P2RX7: variants seen among roughly 807,000 people sequenced by gnomAD.
P2RX7 encodes the protein P2X purinoceptor 7.
In P2RX7, 62 loss-of-function variants were observed where a neutral mutation model predicts 71.6. The observed-to-expected ratio is 0.87, with a 90% confidence interval of 0.71 to 1.07. P2RX7 has a LOEUF of 1.07. Ranked by LOEUF, P2RX7 falls within the 50% of genes least tolerant of loss-of-function variation. The pLI is 0.00. For synonymous variants in P2RX7, 299 were observed against 283.3 expected (o/e 1.06, Z -0.56); for missense variants, 686 against 748.5 (o/e 0.92, Z 0.97).
intron 1 of P2RX7, 146 bp downstream of exon 1, chr12:121,133,241 G>A: frequency 1.1e-6 from 1 of 905,544 alleles, no homozygotes; most frequent in Non-Finnish European, 1.8e-6. Flanking sequence ...CGGGAGGGAG[G>A]AAGCAGCAGC....
chr12:121,163,581 ATAGATAGATAGACAGGTAG>A (rs1880301596), intron 5 of P2RX7, among the ~76,000 whole-genome samples: 1 of 75,950 alleles, frequency 1.3e-5, no homozygotes, highest in African/African-American at 4.9e-5. Context: ...TAAATAGATA[ATAGATAGATAGACAGGTAG>A]ATAGATAGAT....
chr12:121,183,237 T>TTTTTTA (rs1884425130), intron 12 of P2RX7, among the ~76,000 whole-genome samples: 1 of 151,828 alleles, frequency 6.6e-6, no homozygotes, highest in Non-Finnish European at 1.5e-5. Context: ...ATTTTTAACA[T>TTTTTTA]TTTTTATTTT....
intron 5 of P2RX7, among the ~76,000 whole-genome samples, chr12:121,163,281 G>T (rs1880140601): frequency 6.6e-6 from 1 of 151,284 alleles, no homozygotes; most frequent in Admixed American, 6.7e-5. Flanking sequence ...TAAATGAGAT[G>T]ATACTTGTAC....
chr12:121,178,963 A>G (rs2136152129), intron 11 of P2RX7, among the ~76,000 whole-genome samples: 1 of 152,000 alleles, frequency 6.6e-6, no homozygotes, highest in Non-Finnish European at 1.5e-5. Flanking sequence ...TGTATATTCT[A>G]TATATACACA....
intron 5 of P2RX7, among the ~76,000 whole-genome samples, chr12:121,163,933 G>C (rs528597397): frequency 1.3e-5 from 2 of 152,232 alleles, no homozygotes; most frequent in South Asian, 4.1e-4. Context: ...CCCAATGCCG[G>C]GATGGGGGGT....
At chr12:121,142,326 T>G (rs573330333) in intron 1 of P2RX7, among the ~76,000 whole-genome samples, 5 of 152,330 alleles carry the variant, frequency 3.3e-5, no homozygotes, top group African/African-American at 1.2e-4. Context: ...TGCTCCTCAC[T>G]GGCTGTCAGC....
intron 3 of P2RX7, among the ~76,000 whole-genome samples, chr12:121,158,432 G>C (rs1289479858): frequency 6.6e-6 from 1 of 152,120 alleles, no homozygotes; most frequent in African/African-American, 2.4e-5. Context: ...CTCTCTTCAA[G>C]GTCTGTCCGC....
At chr12:121,174,730 A>C (rs948154098) in intron 8 of P2RX7, among the ~76,000 whole-genome samples, 2 of 151,670 alleles carry the variant, frequency 1.3e-5, no homozygotes, top group Non-Finnish European at 1.5e-5. Context: ...AGGAATAGTC[A>C]TATTGCTTGA....
chr12:121,164,598 T>C (rs1265768707), intron 5 of P2RX7, among the ~76,000 whole-genome samples: 3 of 151,870 alleles, frequency 2.0e-5, no homozygotes, highest in African/African-American at 4.8e-5. Context: ...CTGGCAAACA[T>C]GGTGAAACCC....
intron 1 of P2RX7, among the ~76,000 whole-genome samples, chr12:121,152,422 G>T (rs574218012): frequency 1.3e-5 from 2 of 151,962 alleles, no homozygotes; most frequent in African/African-American, 4.8e-5. Context: ...TTGACCTCCC[G>T]GGCCCAAGCA....
At chr12:121,177,083 A>T (rs1334765384) in intron 9 of P2RX7, 64 bp from the exon 10 acceptor site, 1 of 1,402,570 alleles carries the variant, frequency 7.1e-7, no homozygotes, top group African/African-American at 1.4e-5. Flanking sequence ...CAACAATTGC[A>T]CGTTGAAGCA....
chr12:121,151,895 G>T (rs1787309339), intron 1 of P2RX7, among the ~76,000 whole-genome samples: 1 of 152,030 alleles, frequency 6.6e-6, no homozygotes, highest in Admixed American at 6.6e-5. Flanking sequence ...TTTTGTGACT[G>T]GTCTCTTTGA....
intron 11 of P2RX7, among the ~76,000 whole-genome samples, chr12:121,177,832 C>G (rs1883420560): frequency 6.6e-6 from 1 of 151,940 alleles, no homozygotes; most frequent in South Asian, 2.1e-4. Flanking sequence ...GATTCTCCTG[C>G]CTCAACCTCC....
intron 1 of P2RX7, among the ~76,000 whole-genome samples, chr12:121,144,931 A>G (rs568501544): frequency 7.9e-5 from 12 of 152,272 alleles, no homozygotes; most frequent in African/African-American, 2.6e-4. Context: ...GAAACAGCCA[A>G]TTTGGGGTGG....
intron 9 of P2RX7, among the ~76,000 whole-genome samples, chr12:121,176,228 A>AACACAC (rs56222751): frequency 0.038 from 5,281 of 140,780 alleles, 113 homozygotes; most frequent in Middle Eastern, 0.064. Flanking sequence ...CAGCCCCTTC[A>AACACAC]ACACACACAC....
chr12:121,165,384 C>T lies in P2RX7; in HGVS notation c.561C>T (p.Asn187=). The T allele has an allele frequency of 6.2e-7, 1 of 1,614,140 alleles. No individual in the cohort carries two copies. The highest frequency in any genetic ancestry group is 8.5e-7 in the Non-Finnish European group (1 of 1,180,006). The change falls in exon 6 of 13, where the codon AAC becomes AAT. Residue 187 remains asparagine (N), a synonymous_variant. Transcript: ENST00000328963. ...PRPALLNSAE[N]FTVLIKNNID... ...CTGCTCTCTTGAACAGTGCCGAAAA[C>T]TTCACTGTGCTCATCAAGAACAATA...
intron 3 of P2RX7, among the ~76,000 whole-genome samples, chr12:121,160,149 CCTTT>C (rs930215429): frequency 6.1e-5 from 9 of 147,188 alleles, no homozygotes; most frequent in African/African-American, 1.3e-4. Flanking sequence ...TTCCTTCCTT[CCTTT>C]CTTTCTTTTT....
At position 121,186,025 on chromosome 12, in the gene P2RX7, G is replaced by C. The variant is rs990753593; in HGVS notation, c.*1223G>C. 3 of 151,792 alleles carry C rather than the reference G, an allele frequency of 2.0e-5. No individual in the cohort carries two copies. Among genetic ancestry groups the C allele is most frequent in the Non-Finnish European group, 4.4e-5 (3 of 68,424 alleles). 9.4% of individuals were successfully genotyped at this position (151,792 alleles called of 1,614,324 possible). On this transcript the variant is annotated 3_prime_UTR_variant, in exon 13 of 13. Transcript: ENST00000328963. Reference sequence around the variant, plus strand: ...GCTGAGATCGTGCCACTGCACTCCAGGCTGGGTGACAGAGCGAGACTCCAT... The same window carrying C: ...GCTGAGATCGTGCCACTGCACTCCACGCTGGGTGACAGAGCGAGACTCCAT...
At chr12:121,174,814 G>A (rs369716414) in intron 8 of P2RX7, among the ~76,000 whole-genome samples, 2 of 151,580 alleles carry the variant, frequency 1.3e-5, no homozygotes, top group East Asian at 3.9e-4. Flanking sequence ...AATCTTAAGC[G>A]ACAAGCTGAT....
Sources: gnomAD v4.1 joint callset for allele counts (sites outside exome capture counted in the v4.1 genomes callset) on GRCh38, gnomAD v4.1.1 for gene constraint, MANE v1.5 for transcripts, NCBI Gene and HGNC (gene_info 2026-07-23, HGNC 2026-07-21) for gene names.